The following ATIC variants were observed in gnomAD, a reference collection of about 807,000 sequenced individuals.
ATIC encodes 5-aminoimidazole-4-carboxamide ribonucleotide formyltransferase/IMP cyclohydrolase.
Under a neutral mutation model 72.5 loss-of-function variants are expected in ATIC, and 64 were observed. That is an observed-to-expected ratio of 0.88 (90% confidence interval 0.72 to 1.09). The LOEUF is 1.09. Among genes scored for constraint, ATIC ranks in the 50% least tolerant of loss-of-function variants. ATIC has a pLI of 0.00. For missense variants in ATIC, 787 were observed against 732.4 expected, an observed-to-expected ratio of 1.07 and a Z score of -0.86; for synonymous variants, 281 against 267.1, an observed-to-expected ratio of 1.05 and a Z score of -0.51.
the ATIC span, chr2:215,363,206 G>A: frequency 1.3e-5 from 2 of 152,104 alleles, no homozygotes; most frequent in African/African-American, 2.4e-5. Context: ...TTTAGCACTT[G>A]AGAATAGAAT....
intron 7 of ATIC, among the ~76,000 whole-genome samples, chr2:215,328,409 C>T (rs1178898857): frequency 6.6e-6 from 1 of 152,132 alleles, no homozygotes; most frequent in Non-Finnish European, 1.5e-5. Flanking sequence ...GCCTGCCTGC[C>T]TCCTATCTGC....
intron 13 of ATIC, 23 bp from the exon 14 acceptor site, chr2:215,346,736 A>C: frequency 6.2e-7 from 1 of 1,613,346 alleles, no homozygotes; most frequent in Non-Finnish European, 8.5e-7. Flanking sequence ...AGAGGTGTTC[A>C]CTTTAATGTC....
In ATIC at chr2:215,312,088, C is replaced by T; in HGVS notation, c.-55C>T. On this transcript the variant is annotated 5_prime_UTR_variant, in exon 1 of 16. Coordinates refer to ENST00000236959, the MANE Select transcript of ATIC (RefSeq NM_004044.7). ...CATCCCGGCAGCCCTCCTACCTGCG[C>T]ACGTGGTGCCGCCGCTGCTGCCTCC... is the stretch of plus-strand genomic sequence containing the variant. The T allele has an allele frequency of 2.6e-6, 4 of 1,529,920 alleles. No individual in the cohort carries two copies. The highest frequency in any genetic ancestry group is 1.2e-5 in the South Asian group (1 of 83,206). The allele number at this position is 1,529,920 out of a possible 1,614,324, so 94.8% of individuals were successfully genotyped here.
Position 215,349,656 on chromosome 2 carries a change from T to C in ATIC, c.*1T>C. Reference sequence around the variant, plus strand: ...GAACCTTCGGCTCTTCCACCACTGATTTTACCACACACTGTTTTTTGGCTT... The same window carrying C: ...GAACCTTCGGCTCTTCCACCACTGACTTTACCACACACTGTTTTTTGGCTT... On this transcript the variant is annotated 3_prime_UTR_variant, in exon 16 of 16. Transcript: ENST00000236959. 1 of 1,614,192 alleles carries C rather than the reference T, an allele frequency of 6.2e-7. No homozygotes were observed. The highest frequency in any genetic ancestry group is 8.5e-7 in the Non-Finnish European group (1 of 1,180,034).
chr2:215,349,560 C>G lies in ATIC; in HGVS notation c.1684C>G (p.Pro562Ala). ...GAGTGGTGTGGCGTACATTGCGGCT[C>G]CCTCCGGTTCTGCTGCTGACAAAGT... The part of the protein sequence containing the change: ...KRSGVAYIAA[P>A]SGSAADKVVI... The change falls in exon 16 of 16, where the codon CCC becomes GCC. Residue 562 changes from proline (P) to alanine (A), a missense_variant. Transcript: ENST00000236959. 1 of 1,614,034 alleles carries G rather than the reference C, an allele frequency of 6.2e-7. No homozygotes were observed. The highest frequency in any genetic ancestry group is 2.2e-5 in the East Asian group (1 of 44,880).
At chr2:215,347,164 T>C in intron 14 of ATIC, 1 of 580,214 alleles carries the variant, frequency 1.7e-6, no homozygotes, top group Non-Finnish European at 3.0e-6. Flanking sequence ...CACAGTCCTC[T>C]GTCTTTTTAA....
intron 12 of ATIC, among the ~76,000 whole-genome samples, chr2:215,341,993 G>T (rs573411620): frequency 6.6e-6 from 1 of 152,086 alleles, no homozygotes; most frequent in South Asian, 2.1e-4. Flanking sequence ...GAGTGCAAGC[G>T]AGAGAAATGC....
chr2:215,312,424 C>G (rs971394590), intron 1 of ATIC, 74 bp from the exon 2 acceptor site: 34 of 1,611,426 alleles, frequency 2.1e-5, no homozygotes, highest in Non-Finnish European at 2.6e-5. Context: ...TCTCCTCCCC[C>G]AGACCCTCCC....
At chr2:215,363,219 G>A in the ATIC span, 1 of 152,124 alleles carries the variant, frequency 6.6e-6, no homozygotes, top group Non-Finnish European at 1.5e-5. Flanking sequence ...AATAGAATAA[G>A]TGTCGCACAT....
the ATIC span, among the ~76,000 whole-genome samples, chr2:215,365,141 A>G: frequency 6.6e-6 from 1 of 152,212 alleles, no homozygotes; most frequent in African/African-American, 2.4e-5. Flanking sequence ...ACTGCTATAC[A>G]GATCTTAGGG....
chr2:215,313,636 A>G (rs1205038435), intron 2 of ATIC, among the ~76,000 whole-genome samples: 1 of 152,202 alleles, frequency 6.6e-6, no homozygotes, highest in East Asian at 1.9e-4. Flanking sequence ...TGCCATGTGG[A>G]AAATTTGCTT....
At chr2:215,330,874 A>G (rs1362507828) in intron 7 of ATIC, among the ~76,000 whole-genome samples, 4 of 152,096 alleles carry the variant, frequency 2.6e-5, no homozygotes, top group Non-Finnish European at 4.4e-5. Context: ...CATTTCCAGA[A>G]TGTCAGATAG....
intron 3 of ATIC, among the ~76,000 whole-genome samples, chr2:215,318,984 A>G (rs60917883): frequency 0.032 from 4,911 of 151,668 alleles, 252 homozygotes; most frequent in African/African-American, 0.11. Context: ...AGGCTCAAGC[A>G]GTTCTCCCAC....
chr2:215,337,037 C>T (rs1269555549), intron 11 of ATIC, among the ~76,000 whole-genome samples: 2 of 148,786 alleles, frequency 1.3e-5, no homozygotes, highest in African/African-American at 4.9e-5. Flanking sequence ...TTTCTATGAA[C>T]TGTCTTTCCA....
At chr2:215,315,807 C>A (rs1364361425) in intron 2 of ATIC, among the ~76,000 whole-genome samples, 1 of 151,374 alleles carries the variant, frequency 6.6e-6, no homozygotes, top group East Asian at 2.0e-4. Context: ...AAAAAAGAAT[C>A]AGCCGGGTGT....
At chr2:215,338,978 T>G in intron 12 of ATIC, 71 bp downstream of exon 12, 1 of 1,590,422 alleles carries the variant, frequency 6.3e-7, no homozygotes, top group Non-Finnish European at 8.6e-7. Context: ...TAATGAGCTT[T>G]ACATTTATTA....
At chr2:215,329,381 T>C (rs1053550550) in intron 7 of ATIC, among the ~76,000 whole-genome samples, 4 of 152,196 alleles carry the variant, frequency 2.6e-5, no homozygotes, top group African/African-American at 7.2e-5. Flanking sequence ...TTATTTGTGG[T>C]AAACATGGCA....
In ATIC at chr2:215,346,930, A is replaced by G; in HGVS notation, c.1492A>G (p.Thr498Ala). ...SNAIDQYVTG[T>A]IGEDEDLIKW... The stretch of plus-strand genomic sequence containing the variant: ...TGCCATCGATCAATATGTGACTGGA[A>G]CCATTGGCGAGGTGAAAGACTTGGC... Residue 498 changes from threonine to alanine, a missense_variant, in exon 14 of 16, where the codon ACC becomes GCC. Physicochemically the swap from Thr to Ala is moderately conservative, Grantham distance 58. Transcript: ENST00000236959. The G allele has an allele frequency of 6.2e-7, 1 of 1,614,176 alleles. No homozygotes were observed.
chr2:215,345,164 C>T (rs2053059114), intron 13 of ATIC: 3 of 430,618 alleles, frequency 7.0e-6, no homozygotes, highest in Non-Finnish European at 1.3e-5. Context: ...GGATTATTTC[C>T]TTTCCTTTTC....
Sources: allele counts gnomAD v4.1 joint callset (sites outside exome capture counted in the v4.1 genomes callset), GRCh38; gene constraint gnomAD v4.1.1; transcripts MANE v1.5; gene names NCBI Gene and HGNC (gene_info 2026-07-23, HGNC 2026-07-21).